PIK3C2G: variants seen among roughly 807,000 people sequenced by gnomAD.
PIK3C2G encodes the protein phosphatidylinositol 3-kinase C2 domain-containing subunit gamma.
Under a neutral mutation model 181.1 loss-of-function variants are expected in PIK3C2G, and 168 were observed. That is an observed-to-expected ratio of 0.93 (90% confidence interval 0.82 to 1.05). The LOEUF (loss-of-function observed/expected upper bound fraction) is 1.05. Ranked by LOEUF, PIK3C2G falls within the 50% of genes least tolerant of loss-of-function variation. The probability of loss-of-function intolerance (pLI) is 0.00; values close to 1 mark genes in which losing one functional copy is unlikely to be tolerated. For synonymous variants in PIK3C2G, 573 were observed against 592.2 expected (o/e 0.97, Z 0.47); for missense variants, 1,869 against 1,732.8 (o/e 1.08, Z -1.40).
chr12:18,663,133 A>G, the PIK3C2G span, among the ~76,000 whole-genome samples: 1 of 152,152 alleles, frequency 6.6e-6, no homozygotes, highest in South Asian at 2.1e-4. Flanking sequence ...CAATGTTGAA[A>G]GACTGAAAGC....
At chr12:18,533,415 AT>A (rs199701163) in intron 24 of PIK3C2G, among the ~76,000 whole-genome samples, 33 of 151,142 alleles carry the variant, frequency 2.2e-4, no homozygotes, top group East Asian at 1.2e-3. Flanking sequence ...AATCCTATTG[AT>A]TTTTTTTTCT....
chr12:18,633,683 GT>G (rs2136745326), intron 31 of PIK3C2G, among the ~76,000 whole-genome samples: 1 of 152,276 alleles, frequency 6.6e-6, no homozygotes, highest in African/African-American at 2.4e-5. Context: ...ATTTGCCCTT[GT>G]TAGTCAGGAT....
intron 5 of PIK3C2G, among the ~76,000 whole-genome samples, chr12:18,304,117 A>C (rs183800250): frequency 6.6e-6 from 1 of 152,180 alleles, no homozygotes; most frequent in Non-Finnish European, 1.5e-5. Context: ...CTCCTAGTAG[A>C]GACGATGCAT....
chr12:18,492,448 T>C (rs572574129), intron 20 of PIK3C2G, among the ~76,000 whole-genome samples: 1 of 152,380 alleles, frequency 6.6e-6, no homozygotes, highest in South Asian at 2.1e-4. Flanking sequence ...GAAAATTTTT[T>C]GATATGCTTC....
chr12:18,563,389 C>G lies in PIK3C2G; in HGVS notation c.3793C>G (p.Gln1265Glu), dbSNP rs767049763. The part of the protein sequence containing the change: ...SKKSSNLYLI[Q>E]VTHSNNETSL... Reference sequence around the variant, plus strand: ...TTACTTTCTGCAGCTGTATCTGATCCAGGTGACACACAGCAACAACGAAAC... The same window carrying G: ...TTACTTTCTGCAGCTGTATCTGATCGAGGTGACACACAGCAACAACGAAAC... The change falls in exon 28 of 33, where the codon CAG becomes GAG. Residue 1265 changes from glutamine to glutamate, a missense_variant. Coordinates refer to ENST00000538779, the MANE Select transcript of PIK3C2G (RefSeq NM_001288772.2). 6.2e-7 allele frequency: 1 copy of G among 1,611,826 alleles called. No individual in the cohort carries two copies. Among genetic ancestry groups the G allele is most frequent in the Admixed American group, 1.7e-5 (1 of 59,742 alleles).
Position 18,378,524 on chromosome 12 carries a change from A to C in PIK3C2G, c.1881-3242A>C, listed in dbSNP as rs12311758. On this transcript the variant is annotated intron_variant, in intron 13 of 32. Transcript: ENST00000538779. ...AAGCCAAAATTGACAAATGGGATCT[A>C]ATTAAACTAAAGAGCTTCGGCACAG... Among the ~76,000 whole-genome samples the C allele has an allele frequency of 2.7e-3, 418 of 152,348 alleles. 1 individual carries two copies. Among genetic ancestry groups the C allele is most frequent in the African/African-American group, 9.3e-3 (386 of 41,584 alleles).
chr12:18,468,697 G>A (rs1938153518), intron 18 of PIK3C2G, among the ~76,000 whole-genome samples: 1 of 151,940 alleles, frequency 6.6e-6, no homozygotes, highest in Non-Finnish European at 1.5e-5. Context: ...AATATTCTGT[G>A]ATTAAAAAAT....
At chr12:18,360,457 G>A (rs972640591) in intron 11 of PIK3C2G, among the ~76,000 whole-genome samples, 9 of 151,986 alleles carry the variant, frequency 5.9e-5, no homozygotes, top group South Asian at 4.1e-4. Flanking sequence ...TACCTTTACC[G>A]GTGAGTTTTA....
At chr12:18,459,024 G>C (rs1343695309) in intron 18 of PIK3C2G, among the ~76,000 whole-genome samples, 1 of 152,046 alleles carries the variant, frequency 6.6e-6, no homozygotes, top group African/African-American at 2.4e-5. Context: ...ACCCTGAGTA[G>C]AGCACCAGCC....
chr12:18,291,028 A>G lies in PIK3C2G; in HGVS notation c.919+16A>G. 1.3e-6 allele frequency: 2 copies of G among 1,555,716 alleles called. 1 individual carries two copies. The highest frequency in any genetic ancestry group is 1.8e-6 in the Non-Finnish European group (2 of 1,131,090). On this transcript the variant is annotated intron_variant, in intron 4 of 32. Transcript: ENST00000538779. ...ATGCCATGTGGTAAGCAACCTTGCAAATAAGTCTACAAATCTATACAAAGC... is the reference window on the plus strand; with the variant it reads ...ATGCCATGTGGTAAGCAACCTTGCAGATAAGTCTACAAATCTATACAAAGC...
intron 18 of PIK3C2G, among the ~76,000 whole-genome samples, chr12:18,463,339 C>T (rs146172710): frequency 6.6e-6 from 1 of 152,244 alleles, no homozygotes; most frequent in East Asian, 1.9e-4. Flanking sequence ...TGAAGCATTA[C>T]CTCCCTTTGA....
At chr12:18,595,868 A>T (rs778832554) in intron 30 of PIK3C2G, among the ~76,000 whole-genome samples, 83 of 151,976 alleles carry the variant, frequency 5.5e-4, no homozygotes, top group Non-Finnish European at 9.7e-4. Context: ...AAACATCAAA[A>T]CTCTCATCAT....
intron 24 of PIK3C2G, among the ~76,000 whole-genome samples, chr12:18,520,445 G>A (rs1289154684): frequency 6.6e-6 from 1 of 151,608 alleles, no homozygotes; most frequent in East Asian, 1.9e-4. Flanking sequence ...AATCTCGTCT[G>A]CCTTCCTTTC....
At chr12:18,464,896 A>G (rs1463496853) in intron 18 of PIK3C2G, among the ~76,000 whole-genome samples, 1 of 151,892 alleles carries the variant, frequency 6.6e-6, no homozygotes, top group African/African-American at 2.4e-5. Flanking sequence ...ATTTATTTCT[A>G]TCATTGTATT....
chr12:18,716,599 G>C, the PIK3C2G span, among the ~76,000 whole-genome samples: 1 of 152,100 alleles, frequency 6.6e-6, no homozygotes, highest in Non-Finnish European at 1.5e-5. Context: ...AACTAATCCT[G>C]TTTCTCTCTT....
chr12:18,462,965 C>T (rs532080877), intron 18 of PIK3C2G, among the ~76,000 whole-genome samples: 2 of 152,228 alleles, frequency 1.3e-5, no homozygotes, highest in South Asian at 4.1e-4. Flanking sequence ...ATAAAATGCT[C>T]TTTTCACATA....
intron 18 of PIK3C2G, among the ~76,000 whole-genome samples, chr12:18,455,626 C>G (rs1947584730): frequency 6.6e-6 from 1 of 151,978 alleles, no homozygotes; most frequent in Non-Finnish European, 1.5e-5. Flanking sequence ...GATCAAGGTA[C>G]CAGCAGATTC....
intron 5 of PIK3C2G, among the ~76,000 whole-genome samples, chr12:18,297,990 G>A (rs1259057342): frequency 6.6e-6 from 1 of 151,868 alleles, no homozygotes; most frequent in Non-Finnish European, 1.5e-5. Context: ...TAAACATGGA[G>A]GTGCAGGTAT....
At chr12:18,303,503 T>C (rs1396545362) in intron 5 of PIK3C2G, among the ~76,000 whole-genome samples, 9 of 151,966 alleles carry the variant, frequency 5.9e-5, no homozygotes, top group Admixed American at 5.9e-4. Context: ...GCCTATCTAA[T>C]TTCGAATTTT....
Sources: allele counts gnomAD v4.1 joint callset (sites outside exome capture counted in the v4.1 genomes callset), GRCh38; gene constraint gnomAD v4.1.1; transcripts MANE v1.5; gene names NCBI Gene and HGNC (gene_info 2026-07-23, HGNC 2026-07-21).